Variants in ABCA5 observed in about 807,000 individuals in gnomAD.
ABCA5 encodes the protein ATP binding cassette subfamily A member 5, also known as cholesterol transporter ABCA5.
In ABCA5, 163 loss-of-function variants were observed where a neutral mutation model predicts 206.0. That is an observed-to-expected ratio of 0.79 (90% CI 0.70 to 0.90). The LOEUF (loss-of-function observed/expected upper bound fraction) is 0.90. Among genes scored for constraint, ABCA5 ranks in the 40% least tolerant of loss-of-function variants. The probability of loss-of-function intolerance (pLI) is 0.00; values close to 1 mark genes in which losing one functional copy is unlikely to be tolerated. For synonymous variants in ABCA5, 609 were observed against 613.8 expected (o/e 0.99, Z 0.11); for missense variants, 1,859 against 1,912.9 (o/e 0.97, Z 0.53).
chr17:69,295,985 T>C (rs557767734), intron 10 of ABCA5, among the ~76,000 whole-genome samples: 2 of 152,340 alleles, frequency 1.3e-5, no homozygotes, highest in East Asian at 1.9e-4. Flanking sequence ...TTCCTTTCCA[T>C]TGTAAGCGTC....
At chr17:69,271,945 C>A (rs888178587) in intron 20 of ABCA5, among the ~76,000 whole-genome samples, 2 of 152,120 alleles carry the variant, frequency 1.3e-5, no homozygotes, top group Non-Finnish European at 2.9e-5. Context: ...GATTTTAAAT[C>A]CTGTCGGGAT....
At chr17:69,298,906 CT>C (rs2075620579) in intron 9 of ABCA5, among the ~76,000 whole-genome samples, 1 of 152,142 alleles carries the variant, frequency 6.6e-6, no homozygotes. Context: ...GGGAGAAGGT[CT>C]TCACTATATA....
intron 17 of ABCA5, among the ~76,000 whole-genome samples, chr17:69,284,506 TAAAA>T (rs915358463): frequency 1.3e-5 from 2 of 152,082 alleles, no homozygotes; most frequent in African/African-American, 4.8e-5. Context: ...TATTGAATAA[TAAAA>T]TAAATATGTA....
Position 69,309,344 on chromosome 17 carries a change from C to A in ABCA5, c.387G>T (p.Val129=), listed in dbSNP as rs2075748179. Reference sequence around the variant, plus strand: ...CATAGGACATGGAGTCTTTGAAAACCACACCTACAAAGTTGCTCGGCTTAG... The same window carrying A: ...CATAGGACATGGAGTCTTTGAAAACAACACCTACAAAGTTGCTCGGCTTAG... ...SLSKPSNFVG[V]VFKDSMSYEL... is the part of the protein sequence containing the mutation. Residue 129 remains valine (V), a synonymous_variant, in exon 4 of 39, where the codon GTG becomes GTT. Transcript: ENST00000392676. 2 of 1,606,118 alleles carry A rather than the reference C, an allele frequency of 1.2e-6. No individual in the cohort carries two copies. The highest frequency in any genetic ancestry group is 1.7e-5 in the Admixed American group (1 of 57,738).
At chr17:69,320,892 G>A (rs764811987) in intron 1 of ABCA5, among the ~76,000 whole-genome samples, 3 of 152,172 alleles carry the variant, frequency 2.0e-5, no homozygotes, top group Non-Finnish European at 2.9e-5. Flanking sequence ...ATGATGAGGT[G>A]CTGGGGAAAA....
At chr17:69,249,680 T>A in intron 37 of ABCA5, 1 of 505,126 alleles carries the variant, frequency 2.0e-6, no homozygotes, top group Non-Finnish European at 3.4e-6. Context: ...TTTACCTGTG[T>A]CTTAGATTAA....
At chr17:69,254,759 A>G (rs558094103) in intron 31 of ABCA5, among the ~76,000 whole-genome samples, 25 of 152,210 alleles carry the variant, frequency 1.6e-4, no homozygotes, top group African/African-American at 5.8e-4. Context: ...CCTGAGCTCA[A>G]GTGATCCTCC....
At chr17:69,251,111 A>G (rs1444720057) in intron 35 of ABCA5, 1 of 153,150 alleles carries the variant, frequency 6.5e-6, no homozygotes, top group Non-Finnish European at 1.5e-5. Flanking sequence ...CACTTGGGTT[A>G]TGGGTTTTGG....
intron 32 of ABCA5, 25 bp downstream of exon 32, chr17:69,254,290 A>G (rs1463463954): frequency 6.4e-7 from 1 of 1,563,350 alleles, no homozygotes; most frequent in Non-Finnish European, 8.7e-7. Context: ...AAGTAACAAA[A>G]GGAATCTAAA....
rs1598163763 is a variant in ABCA5 at position 69,271,174 on chromosome 17, C to T, written c.2880G>A (p.Met960Ile). ...GCATTCATCTTACCTTTTCTGAATG[C>T]ATCACATTTAAAGCCGCACTATGGG... ...VAPHSAALNV[M>I]HSEKDYVFAA... The change falls in exon 21 of 39, where the codon ATG (methionine) becomes ATA (isoleucine). Residue 960 changes from methionine to isoleucine, a missense_variant. Coordinates refer to ENST00000392676, the MANE Select transcript of ABCA5 (RefSeq NM_172232.4). The T allele has an allele frequency of 6.2e-7, 1 of 1,611,406 alleles. No homozygotes were observed. The highest frequency in any genetic ancestry group is 8.5e-7 in the Non-Finnish European group (1 of 1,179,268).
rs1014603802 is a variant in ABCA5, at chr17:69,284,040, A to G, written c.2305T>C (p.Leu769=). 1.2e-6 allele frequency: 2 copies of G among 1,606,440 alleles called. No homozygotes were observed. The highest frequency in any genetic ancestry group is 1.7e-6 in the Non-Finnish European group (2 of 1,176,826). Residue 769 remains leucine, a synonymous_variant, in exon 18 of 39, where the codon TTG becomes CTG. Coordinates refer to ENST00000392676, the MANE Select transcript of ABCA5 (RefSeq NM_172232.4). ...GAAACACCATAAGAAATGACACCCA[A>G]ATTTGAATGACTGTCTAGGGCAGAA... ...LFSALDSHSN[L]GVISYGVSMT...
Position 69,271,189 on chromosome 17 carries a change from C to A in ABCA5, c.2865G>T (p.Ala955=). The A allele has an allele frequency of 6.2e-7, 1 of 1,612,826 alleles. No individual in the cohort carries two copies. Among genetic ancestry groups the A allele is most frequent in the Non-Finnish European group, 8.5e-7 (1 of 1,179,572 alleles). ...SDYVSVAPHS[A]ALNVMHSEKD... ...TTTCTGAATGCATCACATTTAAAGC[C>A]GCACTATGGGGAGCCACGGATACAT... Residue 955 remains alanine (A), a synonymous_variant, in exon 21 of 39, where the codon GCG becomes GCT. Transcript: ENST00000392676.
rs946279790 is a variant in ABCA5, at chr17:69,260,401, C to A, written c.3576G>T (p.Lys1192Asn). 2.5e-6 allele frequency: 4 copies of A among 1,603,134 alleles called. No homozygotes were observed. Among genetic ancestry groups the A allele is most frequent in the Admixed American group, 1.7e-5 (1 of 59,392 alleles). The change falls in exon 27 of 39, where the codon AAG (lysine) becomes AAT (asparagine). Residue 1192 changes from lysine (K) to asparagine (N), a missense_variant. Coordinates refer to ENST00000392676, the MANE Select transcript of ABCA5 (RefSeq NM_172232.4). ...CLISFIKISWKNVRKNVDTYN... is the reference protein window; with the variant it reads ...CLISFIKISWNNVRKNVDTYN... ...AGGTGTCCACATTTTTTCGTACATT[C>A]TTCCAAGAAATCTAAGACAAAAAGA...
chr17:69,308,483 G>A, intron 4 of ABCA5, 115 bp from the exon 5 acceptor site: 2 of 571,362 alleles, frequency 3.5e-6, no homozygotes, highest in Non-Finnish European at 6.1e-6. Context: ...AATCTTTACA[G>A]GACCAAAGAA....
Position 69,255,455 on chromosome 17 carries a change from A to C in ABCA5, c.4068+88T>G, listed in dbSNP as rs2075064308. Reference sequence around the variant, plus strand: ...TTCTAAAAATATACATAAAAATTGAATATAAAATCCGAATTTGTCACTAAA... The same window carrying C: ...TTCTAAAAATATACATAAAAATTGACTATAAAATCCGAATTTGTCACTAAA... On this transcript the variant is annotated intron_variant, in intron 31 of 38. Transcript: ENST00000392676. The C allele has an allele frequency of 5.1e-6, 4 of 783,734 alleles. No homozygotes were observed. In the East Asian group the frequency reaches 1.3e-4, roughly 25 times the overall value. 48.5% of individuals were successfully genotyped at this position (783,734 alleles called of 1,614,324 possible).
rs539305577 is a variant in ABCA5 at position 69,248,406 on chromosome 17, T to G, written c.4766-89A>C. ...AAGTGGCTAACAATGTTTTAAAATA[T>G]CTCTGTAATCAACCCACTTAAATTT... On this transcript the variant is annotated intron_variant, in intron 37 of 38. Coordinates refer to ENST00000392676, the MANE Select transcript of ABCA5 (RefSeq NM_172232.4). The G allele has an allele frequency of 2.5e-4, 177 of 717,594 alleles. 2 individuals are homozygous for G. The highest frequency in any genetic ancestry group is 3.5e-4 in the Non-Finnish European group (153 of 431,800). The allele number at this position is 717,594 out of a possible 1,614,324, so 44.5% of individuals were successfully genotyped here.
At chr17:69,280,201 A>G (rs1422885501) in intron 18 of ABCA5, among the ~76,000 whole-genome samples, 1 of 152,058 alleles carries the variant, frequency 6.6e-6, no homozygotes, top group African/African-American at 2.4e-5. Flanking sequence ...AAAACAAACA[A>G]CCCCATCAAA....
In ABCA5 at chr17:69,264,964, A is replaced by T. The variant is rs1598158424; in HGVS notation, c.3145-59T>A. ...TAGACACTTTAGAAACACACAAATA[A>T]ATTAGTAAATTATTGTAGATCTCTT... On this transcript the variant is annotated intron_variant, in intron 23 of 38. Transcript: ENST00000392676. The T allele has an allele frequency of 4.3e-6, 5 of 1,171,072 alleles. No homozygotes were observed. In the East Asian group the frequency reaches 1.5e-4, roughly 34 times the overall value. 72.5% of individuals were successfully genotyped at this position (1,171,072 alleles called of 1,614,324 possible). A position where few individuals can be genotyped will look rare whatever the true frequency, so the allele number is the denominator to read the frequency against.
rs764655925 is a variant in ABCA5 at position 69,250,606 on chromosome 17, T to G, written c.4551A>C (p.Val1517=). 1 of 1,581,122 alleles carries G rather than the reference T, an allele frequency of 6.3e-7. No homozygotes were observed. The highest frequency in any genetic ancestry group is 2.3e-5 in the East Asian group (1 of 43,700). ...VSGQLRCIGT[V]QHLKSKFGKG... ...TTCCAAATTTACTCTTTAGATGTTG[T>G]ACTGTTCCGATACATCTGAAGTAAT... The change falls in exon 36 of 39, where the codon GTA becomes GTC. Residue 1517 remains valine, a synonymous_variant. Transcript: ENST00000392676.
Sources: allele counts gnomAD v4.1 joint callset (sites outside exome capture counted in the v4.1 genomes callset), GRCh38; gene constraint gnomAD v4.1.1; transcripts MANE v1.5; gene names NCBI Gene and HGNC (gene_info 2026-07-23, HGNC 2026-07-21).